The following PRKG1 variants were observed in gnomAD, a reference collection of about 807,000 sequenced individuals.
PRKG1 encodes the protein cGMP-dependent protein kinase 1.
PRKG1 carries 35 observed loss-of-function variants against 88.1 expected under a neutral mutation model. The observed-to-expected ratio is 0.40, with a 90% CI of 0.30 to 0.53. PRKG1 has a LOEUF of 0.53. PRKG1 is among the 20% of genes least tolerant of loss of function. PRKG1 has a pLI of 0.59. For synonymous variants in PRKG1, 303 were observed against 292.5 expected, an observed-to-expected ratio of 1.04 and a Z score of -0.37; for missense variants, 540 against 839.8, an observed-to-expected ratio of 0.64 and a Z score of 4.41.
chr10:51,959,126 G>A (rs1355023011), intron 5 of PRKG1, among the ~76,000 whole-genome samples: 1 of 152,102 alleles, frequency 6.6e-6, no homozygotes, highest in African/African-American at 2.4e-5. Context: ...CTGATTTTTA[G>A]ACATAATTTA....
At chr10:51,330,104 CTTTTAT>C (rs1564448943) in intron 2 of PRKG1, among the ~76,000 whole-genome samples, 2 of 118,970 alleles carry the variant, frequency 1.7e-5, no homozygotes, top group Non-Finnish European at 3.5e-5. Context: ...TACATTTGCT[CTTTTAT>C]TTATTTATTT....
At chr10:51,144,041 G>T (rs373741629) in intron 1 of PRKG1, among the ~76,000 whole-genome samples, 2 of 151,776 alleles carry the variant, frequency 1.3e-5, no homozygotes, top group African/African-American at 4.8e-5. Context: ...AAAAATCCTT[G>T]CCTGGATCAG....
chr10:51,687,599 T>A (rs1467388295), intron 3 of PRKG1, among the ~76,000 whole-genome samples: 1 of 152,204 alleles, frequency 6.6e-6, no homozygotes, highest in African/African-American at 2.4e-5. Context: ...ATCTGGATAG[T>A]ATATCCTACC....
chr10:51,067,599 A>C (rs1843768974), intron 1 of PRKG1, among the ~76,000 whole-genome samples: 1 of 152,056 alleles, frequency 6.6e-6, no homozygotes, highest in Non-Finnish European at 1.5e-5. Context: ...TAAAGAAACT[A>C]GATGATTAGA....
At chr10:51,198,861 T>C (rs1238717943) in intron 2 of PRKG1, among the ~76,000 whole-genome samples, 1 of 152,206 alleles carries the variant, frequency 6.6e-6, no homozygotes, top group South Asian at 2.1e-4. Flanking sequence ...GATTTAGTTA[T>C]CCGTAGATTT....
chr10:51,581,237 C>T (rs889392257), intron 3 of PRKG1, among the ~76,000 whole-genome samples: 5 of 152,044 alleles, frequency 3.3e-5, no homozygotes, highest in African/African-American at 1.2e-4. Context: ...CAGTAATTTC[C>T]AACAGAGCCT....
At chr10:51,859,204 C>G (rs1487628785) in intron 4 of PRKG1, among the ~76,000 whole-genome samples, 2 of 152,168 alleles carry the variant, frequency 1.3e-5, no homozygotes, top group Non-Finnish European at 2.9e-5. Context: ...TTCGGAAGCC[C>G]TGAAGTGGGC....
At position 51,056,407 on chromosome 10, in the gene PRKG1, G is replaced by T. The variant is rs1401166396; in HGVS notation, c.266+64763G>T. 3.3e-5 allele frequency among the ~76,000 whole-genome samples: 5 copies of T among 152,182 alleles called. No homozygotes were observed. The East Asian group carries it at 9.6e-4, about 29-fold the overall frequency. On this transcript the variant is annotated intron_variant, in intron 1 of 17. Coordinates refer to the PRKG1 transcript ENST00000401604. ...TCCCTTTACTGTTAAACGTGCAGCA[G>T]TTTACAAAATGACTACTTGGGAATG...
chr10:51,224,205 T>C (rs192091427), intron 2 of PRKG1, among the ~76,000 whole-genome samples: 155 of 152,288 alleles, frequency 1.0e-3, no homozygotes, highest in African/African-American at 3.5e-3. Context: ...AAAGTTAACG[T>C]TTTCAGTGGG....
At chr10:51,498,324 T>G (rs553933023) in intron 3 of PRKG1, among the ~76,000 whole-genome samples, 2 of 152,230 alleles carry the variant, frequency 1.3e-5, no homozygotes, top group African/African-American at 4.8e-5. Context: ...AAAAACAACA[T>G]GGAGTAGTTA....
intron 3 of PRKG1, among the ~76,000 whole-genome samples, chr10:51,477,343 G>A (rs1203089391): frequency 6.0e-5 from 9 of 150,382 alleles, no homozygotes; most frequent in Admixed American, 4.7e-4. Flanking sequence ...ACAAATAGAA[G>A]AATTTGGAAG....
At chr10:51,386,982 G>A (rs1445267080) in intron 2 of PRKG1, among the ~76,000 whole-genome samples, 1 of 152,166 alleles carries the variant, frequency 6.6e-6, no homozygotes, top group African/African-American at 2.4e-5. Flanking sequence ...ATAAAGAGGA[G>A]TGTCCTCACC....
chr10:51,884,025 C>CAA (rs11346256), intron 4 of PRKG1, among the ~76,000 whole-genome samples: 3 of 106,112 alleles, frequency 2.8e-5, no homozygotes, highest in Non-Finnish European at 5.8e-5. Flanking sequence ...TTTTATTTTT[C>CAA]AAAAAAAAAA....
intron 3 of PRKG1, among the ~76,000 whole-genome samples, chr10:51,651,581 T>A (rs1589161936): frequency 8.2e-6 from 1 of 121,736 alleles, no homozygotes; most frequent in East Asian, 3.0e-4. Flanking sequence ...TTTACAGATC[T>A]TACTTTTTTT....
At chr10:51,738,770 A>G (rs951764281) in intron 3 of PRKG1, among the ~76,000 whole-genome samples, 3 of 152,168 alleles carry the variant, frequency 2.0e-5, no homozygotes, top group Non-Finnish European at 2.9e-5. Context: ...ATAAACTTCA[A>G]TCCCCCCTTT....
intron 2 of PRKG1, among the ~76,000 whole-genome samples, chr10:51,406,079 G>T (rs908622106): frequency 6.6e-6 from 1 of 152,110 alleles, no homozygotes; most frequent in East Asian, 1.9e-4. Context: ...GCGATCCTCT[G>T]TCTCTACTTC....
chr10:51,645,595 A>G (rs964028166), intron 3 of PRKG1, among the ~76,000 whole-genome samples: 1 of 152,212 alleles, frequency 6.6e-6, no homozygotes, highest in Non-Finnish European at 1.5e-5. Context: ...TGATTAACTG[A>G]TAATAGCTAT....
intron 5 of PRKG1, among the ~76,000 whole-genome samples, chr10:51,956,958 C>T (rs1843318078): frequency 6.7e-6 from 1 of 149,728 alleles, no homozygotes; most frequent in Non-Finnish European, 1.5e-5. Flanking sequence ...TCTTTCCTTC[C>T]TTCCTTCCTT....
At chr10:51,817,162 G>A (rs1022123126) in intron 4 of PRKG1, among the ~76,000 whole-genome samples, 1 of 151,844 alleles carries the variant, frequency 6.6e-6, no homozygotes, top group Non-Finnish European at 1.5e-5. Context: ...TTGGGGCAGC[G>A]GGGCCCAAAG....
Sources: gnomAD v4.1 joint callset for allele counts (sites outside exome capture counted in the v4.1 genomes callset) on GRCh38, gnomAD v4.1.1 for gene constraint, MANE v1.5 for transcripts, NCBI Gene and HGNC (gene_info 2026-07-23, HGNC 2026-07-21) for gene names.